CENPE: variants seen among roughly 807,000 people sequenced by gnomAD.
CENPE encodes centromere-associated protein E.
In CENPE, 145 loss-of-function variants were observed where a neutral mutation model predicts 336.1. The ratio of observed to expected loss-of-function variants is 0.43; its 90% CI spans 0.38 to 0.50. The LOEUF is 0.50. Among genes scored for constraint, CENPE ranks in the 20% least tolerant of loss-of-function variants. CENPE has a pLI of 0.00. For synonymous variants in CENPE, 1,013 were observed against 984.8 expected, an observed-to-expected ratio of 1.03 and a Z score of -0.54; for missense variants, 2,719 against 3,023.3, an observed-to-expected ratio of 0.90 and a Z score of 2.36.
chr4:103,155,311 ATTTC>A (rs1414750580), intron 24 of CENPE, among the ~76,000 whole-genome samples: 1 of 151,952 alleles, frequency 6.6e-6, no homozygotes, highest in African/African-American at 2.4e-5. Flanking sequence ...GGAAGTTATT[ATTTC>A]TTTCTTTTTT....
Position 103,106,159 on chromosome 4 carries a change from A to C in CENPE, c.*63T>G, listed in dbSNP as rs1748878283. ...TACAACATCATTACCAGGGATAGAC[A>C]CATAAACAAAGTCATTTCCAAATAA... On this transcript the variant is annotated 3_prime_UTR_variant, in exon 49 of 49. Coordinates refer to ENST00000265148, the MANE Select transcript of CENPE (RefSeq NM_001813.3). 1 of 1,118,940 alleles carries C rather than the reference A, an allele frequency of 8.9e-7. No homozygotes were observed. The highest frequency in any genetic ancestry group is 2.5e-5 in the East Asian group (1 of 39,430). The allele number at this position is 1,118,940 out of a possible 1,614,324, so 69.3% of individuals were successfully genotyped here.
chr4:103,157,363 T>A (rs912027986), intron 24 of CENPE, among the ~76,000 whole-genome samples: 2 of 152,104 alleles, frequency 1.3e-5, no homozygotes, highest in East Asian at 3.9e-4. Flanking sequence ...GATGGATGCA[T>A]AGATAAGCAA....
intron 8 of CENPE, 45 bp downstream of exon 8, chr4:103,194,178 AAATTTT>A (rs1190947728): frequency 7.3e-7 from 1 of 1,377,868 alleles, no homozygotes. Flanking sequence ...CAACTAAATT[AAATTTT>A]GTTTTGGCCC....
At chr4:103,160,957 G>A (rs867610837) in intron 20 of CENPE, 129 bp downstream of exon 20, 63 of 935,648 alleles carry the variant, frequency 6.7e-5, no homozygotes, top group South Asian at 5.4e-4. Flanking sequence ...AAACTAAAAC[G>A]TAATATTGAG....
intron 15 of CENPE, 43 bp from the exon 16 acceptor site, chr4:103,174,946 TA>T: frequency 2.5e-6 from 3 of 1,197,880 alleles, no homozygotes; most frequent in East Asian, 3.1e-5. Context: ...AAAATTCAAA[TA>T]TTTTTTGTTT....
Position 103,139,801 on chromosome 4 carries a change from T to C in CENPE, c.6192A>G (p.Glu2064=). 6.2e-7 allele frequency: 1 copy of C among 1,605,752 alleles called. No individual in the cohort carries two copies. The highest frequency in any genetic ancestry group is 8.5e-7 in the Non-Finnish European group (1 of 1,177,016). The change falls in exon 38 of 49, where the codon GAA becomes GAG. Residue 2064 remains glutamate (E), a synonymous_variant. Transcript: ENST00000265148. ...ERDQFIATLR[E]MIARDRQNHQ... ...ACTCTGAACTCACTCTAGCTATCAT[T>C]TCCCTTAAGGTTGCTATGAATTGGT... is the stretch of plus-strand genomic sequence containing the variant.
At chr4:103,192,456 G>T (rs1438257668) in intron 8 of CENPE, among the ~76,000 whole-genome samples, 1 of 152,156 alleles carries the variant, frequency 6.6e-6, no homozygotes. Context: ...TAGTATATTC[G>T]AAATCCTTAT....
intron 47 of CENPE, among the ~76,000 whole-genome samples, chr4:103,109,604 T>A (rs1334462168): frequency 6.6e-6 from 1 of 152,180 alleles, no homozygotes; most frequent in Non-Finnish European, 1.5e-5. Flanking sequence ...TCACTCTCTT[T>A]TATTTTAAGT....
chr4:103,148,831 A>G lies in CENPE; in HGVS notation c.3843+13T>C. The G allele has an allele frequency of 6.2e-7, 1 of 1,606,922 alleles. No homozygotes were observed. The highest frequency in any genetic ancestry group is 1.1e-5 in the South Asian group (1 of 89,828). ...GAAGAAGTGACAAAGGATGAAAGGA[A>G]TAAAAGACATACCTCTTCTTGTAAT... On this transcript the variant is annotated intron_variant, in intron 28 of 48. Transcript: ENST00000265148.
At chr4:103,149,980 T>G (rs779743546) in intron 26 of CENPE, among the ~76,000 whole-genome samples, 2 of 152,144 alleles carry the variant, frequency 1.3e-5, no homozygotes, top group African/African-American at 2.4e-5. Flanking sequence ...ACAGGCTGAT[T>G]AAGGAGATAA....
chr4:103,182,362 C>A (rs1393209124), intron 11 of CENPE, among the ~76,000 whole-genome samples: 1 of 152,138 alleles, frequency 6.6e-6, no homozygotes, highest in East Asian at 1.9e-4. Context: ...AAAATGAAGG[C>A]AACAGTTAAC....
At chr4:103,170,091 C>T (rs534738413) in intron 16 of CENPE, among the ~76,000 whole-genome samples, 1 of 152,214 alleles carries the variant, frequency 6.6e-6, no homozygotes, top group East Asian at 1.9e-4. Flanking sequence ...AATGAGAACT[C>T]ATGGACACAG....
intron 16 of CENPE, among the ~76,000 whole-genome samples, chr4:103,166,739 C>T (rs947630728): frequency 2.0e-5 from 3 of 152,064 alleles, no homozygotes; most frequent in Non-Finnish European, 4.4e-5. Context: ...ACATAAAACA[C>T]TGGGTCTTAT....
chr4:103,114,584 T>C, intron 45 of CENPE, 32 bp from the exon 46 acceptor site: 1 of 1,364,888 alleles, frequency 7.3e-7, no homozygotes, highest in Non-Finnish European at 1.0e-6. Context: ...TGTAAAAAGC[T>C]CAGCAACTGA....
At chr4:103,178,039 C>CTTT (rs201491418) in intron 13 of CENPE, among the ~76,000 whole-genome samples, 2 of 134,764 alleles carry the variant, frequency 1.5e-5, no homozygotes, top group African/African-American at 2.7e-5. Flanking sequence ...TGTTGCATGA[C>CTTT]TTTTTTTTTT....
intron 40 of CENPE, 62 bp downstream of exon 40, chr4:103,136,079 C>T (rs1389825237): frequency 7.3e-7 from 1 of 1,375,258 alleles, no homozygotes; most frequent in East Asian, 2.3e-5. Flanking sequence ...TGAAGCAGGA[C>T]TTAAATACAT....
intron 39 of CENPE, among the ~76,000 whole-genome samples, chr4:103,136,727 G>A (rs1370950338): frequency 6.6e-6 from 1 of 152,152 alleles, no homozygotes; most frequent in Non-Finnish European, 1.5e-5. Context: ...GTTCATGGTT[G>A]AGTGCTGGTT....
chr4:103,122,974 T>C lies in CENPE; in HGVS notation c.7040A>G (p.Gln2347Arg). 1 of 1,613,918 alleles carries C rather than the reference T, an allele frequency of 6.2e-7. No individual in the cohort carries two copies. Among genetic ancestry groups the C allele is most frequent in the African/African-American group, 1.3e-5 (1 of 75,050 alleles). ...EKNEKLFKNY[Q>R]TLKTSLASGA... ...AGATGCCAAGGAAGTCTTCAATGTT[T>C]GGTAGTTTTTAAATAGTTTTTCATT... Residue 2347 changes from glutamine to arginine, a missense_variant, in exon 43 of 49, where the codon CAA (glutamine) becomes CGA (arginine). Around this residue, in one of 5 missense-constraint regions of CENPE, gnomAD observed 2,437 missense variants for 2,513.3 expected, o/e 0.97. Coordinates refer to ENST00000265148, the MANE Select transcript of CENPE (RefSeq NM_001813.3).
chr4:103,194,560 AG>A, intron 6 of CENPE, 42 bp downstream of exon 6: 1 of 1,521,420 alleles, frequency 6.6e-7, no homozygotes, highest in Non-Finnish European at 9.0e-7. Context: ...TTGAAAAGAT[AG>A]TTTTTACAAG....
Sources: gnomAD v4.1 joint callset for allele counts (sites outside exome capture counted in the v4.1 genomes callset) on GRCh38, gnomAD v4.1.1 for gene constraint, gnomAD v4.1.1 regional missense constraint, MANE v1.5 for transcripts, NCBI Gene and HGNC (gene_info 2026-07-23, HGNC 2026-07-21) for gene names.